The following PREX2 variants were observed in gnomAD, a reference collection of about 807,000 sequenced individuals.
PREX2 encodes the protein phosphatidylinositol 3,4,5-trisphosphate-dependent Rac exchanger 2 protein.
PREX2 carries 107 observed loss-of-function variants against 203.2 expected under a neutral mutation model. The ratio of observed to expected loss-of-function variants is 0.53; its 90% CI spans 0.45 to 0.62. PREX2 has a LOEUF of 0.62. Among genes scored for constraint, PREX2 ranks in the 20% least tolerant of loss-of-function variants. PREX2 has a pLI of 0.00. For missense variants in PREX2, 1,777 were observed against 1,955.9 expected (o/e 0.91, Z 1.72); for synonymous variants, 672 against 663.6 (o/e 1.01, Z -0.19).
intron 37 of PREX2, among the ~76,000 whole-genome samples, chr8:68,211,100 C>G (rs894397162): frequency 6.6e-6 from 1 of 152,114 alleles, no homozygotes; most frequent in Non-Finnish European, 1.5e-5. Flanking sequence ...CATGCTTTTC[C>G]TGACCTTCCT....
chr8:68,098,938 G>GTATGTATATA lies in PREX2; in HGVS notation c.2554-741_2554-740insGTATATATAT, dbSNP rs1554577009. Among the ~76,000 whole-genome samples the GTATGTATATA allele has an allele frequency of 5.5e-5, 6 of 109,808 alleles. No individual in the cohort carries two copies. In the South Asian group the frequency reaches 9.4e-4, roughly 17 times the overall value. The allele number at this position is 109,808 out of a possible 152,430, so 72.0% of individuals were successfully genotyped here. A position where few individuals can be genotyped will look rare whatever the true frequency, so the allele number is the denominator to read the frequency against. On this transcript the variant is annotated intron_variant, in intron 22 of 39. Coordinates refer to ENST00000288368, the MANE Select transcript of PREX2 (RefSeq NM_024870.4). ...AATCAGAAATGCTACATATATATGT[G>GTATGTATATA]TATATATATATATATATATATATAT...
chr8:68,189,870 T>G (rs1261755367), intron 35 of PREX2, among the ~76,000 whole-genome samples: 1 of 152,192 alleles, frequency 6.6e-6, no homozygotes, highest in African/African-American at 2.4e-5. Flanking sequence ...TTGAGGAGGA[T>G]TCAATATGTA....
chr8:68,122,661 C>G (rs1003804075), intron 30 of PREX2, among the ~76,000 whole-genome samples: 1 of 152,002 alleles, frequency 6.6e-6, no homozygotes, highest in African/African-American at 2.4e-5. Context: ...TCATCTCCCC[C>G]ACTTTTTTGT....
At position 68,232,232 on chromosome 8, in the gene PREX2, T is replaced by C. The variant is rs577103997; in HGVS notation, c.*854T>C. 1 of 152,254 alleles carries C rather than the reference T, an allele frequency of 6.6e-6. No homozygotes were observed. Among genetic ancestry groups the C allele is most frequent in the Middle Eastern group, 3.4e-3 (1 of 294 alleles). The allele number at this position is 152,254 out of a possible 1,614,324, so 9.4% of individuals were successfully genotyped here. ...CTATTTTAAAACTAAACCTTTAAGTTAGATACCTAAAACTCTTAATTTTAT... is the reference window on the plus strand; with the variant it reads ...CTATTTTAAAACTAAACCTTTAAGTCAGATACCTAAAACTCTTAATTTTAT... On this transcript the variant is annotated 3_prime_UTR_variant, in exon 40 of 40. Transcript: ENST00000288368.
intron 2 of PREX2, 127 bp from the exon 3 acceptor site, chr8:68,019,422 T>C: frequency 1.5e-6 from 1 of 667,556 alleles, no homozygotes; most frequent in Non-Finnish European, 2.3e-6. Context: ...AAATTGAGGC[T>C]CTGTCGGCAA....
intron 35 of PREX2, among the ~76,000 whole-genome samples, chr8:68,182,960 C>G (rs1377216189): frequency 6.6e-6 from 1 of 151,248 alleles, no homozygotes; most frequent in Non-Finnish European, 1.5e-5. Context: ...CAGGAGAGAA[C>G]CATATGCAAA....
chr8:67,961,493 C>T (rs1401424601), intron 1 of PREX2, among the ~76,000 whole-genome samples: 1 of 151,988 alleles, frequency 6.6e-6, no homozygotes, highest in African/African-American at 2.4e-5. Context: ...TGATTTATAA[C>T]ATTGTAGTTG....
At chr8:67,976,562 G>A in intron 1 of PREX2, among the ~76,000 whole-genome samples, 1 of 66,666 alleles carries the variant, frequency 1.5e-5, no homozygotes, top group South Asian at 8.4e-4. Flanking sequence ...GAGAGAGAGA[G>A]ACAGAGACAG....
chr8:68,194,971 T>C lies in PREX2; in HGVS notation c.4604+2446T>C, dbSNP rs1057409730. ...AACAAAGCATCATTGCCTTGAGTAT[T>C]TGTGCTCTTCTCTTACCCTGGTACA... On this transcript the variant is annotated intron_variant, in intron 37 of 39. Coordinates refer to ENST00000288368, the MANE Select transcript of PREX2 (RefSeq NM_024870.4). Among the ~76,000 whole-genome samples the C allele has an allele frequency of 1.7e-4, 26 of 152,134 alleles. 1 individual carries two copies. The highest frequency in any genetic ancestry group is 6.0e-4 in the African/African-American group (25 of 41,416).
At chr8:68,138,378 T>C in intron 32 of PREX2, 37 bp from the exon 33 acceptor site, 1 of 1,108,624 alleles carries the variant, frequency 9.0e-7, no homozygotes, top group Non-Finnish European at 1.3e-6. Flanking sequence ...TTGCTTTATA[T>C]CATCTTGTAT....
rs201679070 is a variant in PREX2, at chr8:68,174,370, T to TC, written c.4346+16940dup. Reference sequence around the variant, plus strand: ...CTGCCTGGTTAAATGCTGCCCTACCTCCCCCCAACACCAAACTTCAAGTAG... The same window carrying TC: ...CTGCCTGGTTAAATGCTGCCCTACCTCCCCCCCAACACCAAACTTCAAGTAG... On this transcript the variant is annotated intron_variant, in intron 35 of 39. Coordinates refer to ENST00000288368, the MANE Select transcript of PREX2 (RefSeq NM_024870.4). Among the ~76,000 whole-genome samples, 21 of 152,084 alleles carry TC rather than the reference T, an allele frequency of 1.4e-4. No individual in the cohort carries two copies. In the East Asian group the frequency reaches 4.1e-3, roughly 29 times the overall value.
In PREX2 at chr8:68,236,827, G is replaced by A. The variant is rs1034610000; in HGVS notation, c.*5449G>A. Reference sequence around the variant, plus strand: ...AAAATTTAATGATAAATTTCATCTGGATGTGTTATTATAAAAGTCATCTTT... The same window carrying A: ...AAAATTTAATGATAAATTTCATCTGAATGTGTTATTATAAAAGTCATCTTT... On this transcript the variant is annotated 3_prime_UTR_variant, in exon 40 of 40. Transcript: ENST00000288368. 1.3e-5 allele frequency: 2 copies of A among 151,918 alleles called. No individual in the cohort carries two copies. The highest frequency in any genetic ancestry group is 2.9e-5 in the Non-Finnish European group (2 of 67,940). The allele number at this position is 151,918 out of a possible 1,614,324, so 9.4% of individuals were successfully genotyped here. A position where few individuals can be genotyped will look rare whatever the true frequency, so the allele number is the denominator to read the frequency against.
chr8:68,014,779 A>G (rs1036303459), intron 1 of PREX2, among the ~76,000 whole-genome samples: 1 of 152,204 alleles, frequency 6.6e-6, no homozygotes, highest in Admixed American at 6.5e-5. Flanking sequence ...AAGAATAAAC[A>G]TAAAGAATTG....
intron 1 of PREX2, among the ~76,000 whole-genome samples, chr8:67,968,481 T>C (rs1805836832): frequency 2.0e-5 from 3 of 152,184 alleles, no homozygotes. Context: ...CATTACCAAC[T>C]TCAGAATAGG....
intron 23 of PREX2, among the ~76,000 whole-genome samples, chr8:68,104,388 G>A (rs192517953): frequency 1.1e-3 from 172 of 152,120 alleles, no homozygotes; most frequent in African/African-American, 4.0e-3. Context: ...TCTCACTGCC[G>A]CTCTGGTCAC....
At chr8:68,069,804 C>T in intron 12 of PREX2, 31 bp from the exon 13 acceptor site, 1 of 1,205,498 alleles carries the variant, frequency 8.3e-7, no homozygotes, top group Non-Finnish European at 1.2e-6. Flanking sequence ...GGTAATCTCA[C>T]TTGTTTTTGA....
At chr8:68,062,852 C>T (rs1023078788) in intron 11 of PREX2, among the ~76,000 whole-genome samples, 1 of 152,020 alleles carries the variant, frequency 6.6e-6, no homozygotes, top group African/African-American at 2.4e-5. Context: ...CTATCCCTTC[C>T]CTGGCCTCCA....
chr8:68,208,524 A>T (rs1019762883), intron 37 of PREX2, among the ~76,000 whole-genome samples: 1 of 152,156 alleles, frequency 6.6e-6, no homozygotes, highest in African/African-American at 2.4e-5. Flanking sequence ...CTTCTCTCTT[A>T]TCAGGTTCAG....
intron 22 of PREX2, among the ~76,000 whole-genome samples, chr8:68,098,938 G>GCATATA (rs1810172633): frequency 9.1e-6 from 1 of 109,820 alleles, no homozygotes; most frequent in South Asian, 3.1e-4. Context: ...ATATATATGT[G>GCATATA]TATATATATA....
Sources: allele counts gnomAD v4.1 joint callset (sites outside exome capture counted in the v4.1 genomes callset), GRCh38; gene constraint gnomAD v4.1.1; transcripts MANE v1.5; gene names NCBI Gene and HGNC (gene_info 2026-07-23, HGNC 2026-07-21).